The following VPS13A variants were observed in gnomAD, a reference collection of about 807,000 sequenced individuals.
The protein encoded by VPS13A is vacuolar protein sorting 13 homolog A, also known as intermembrane lipid transfer protein VPS13A.
In VPS13A, 264 loss-of-function variants were observed where a neutral mutation model predicts 390.9. That is an observed-to-expected ratio of 0.68 (90% CI 0.61 to 0.75). The LOEUF is 0.75. Among genes scored for constraint, VPS13A ranks in the 30% least tolerant of loss-of-function variants. The pLI, the probability that VPS13A is intolerant of heterozygous loss-of-function variation, is 0.00. For missense variants in VPS13A, 3,409 were observed against 3,733.9 expected, an observed-to-expected ratio of 0.91 and a Z score of 2.27; for synonymous variants, 1,231 against 1,227.1, an observed-to-expected ratio of 1.00 and a Z score of -0.07.
At chr9:77,233,203 C>T (rs538659289) in intron 17 of VPS13A, among the ~76,000 whole-genome samples, 198 of 152,012 alleles carry the variant, frequency 1.3e-3, no homozygotes, top group African/African-American at 4.6e-3. Context: ...CTGTTTTTTG[C>T]AGTACTCTTT....
intron 68 of VPS13A, chr9:77,395,794 A>C (rs1834096865): frequency 6.6e-6 from 1 of 152,130 alleles, no homozygotes; most frequent in Non-Finnish European, 1.5e-5. Flanking sequence ...AATCTATTCT[A>C]TTTAAGAGTA....
intron 40 of VPS13A, among the ~76,000 whole-genome samples, chr9:77,317,920 A>G (rs1829498882): frequency 6.6e-6 from 1 of 151,980 alleles, no homozygotes; most frequent in Non-Finnish European, 1.5e-5. Context: ...AACATCTAAT[A>G]TCCCTAATAA....
At chr9:77,262,640 G>A (rs1046241961) in intron 23 of VPS13A, among the ~76,000 whole-genome samples, 4 of 151,872 alleles carry the variant, frequency 2.6e-5, no homozygotes, top group Non-Finnish European at 4.4e-5. Context: ...GTGTTCATGT[G>A]TTCTCCTTGT....
At chr9:77,250,860 A>ACTTTCTTTT (rs1825114664) in intron 21 of VPS13A, among the ~76,000 whole-genome samples, 1 of 152,056 alleles carries the variant, frequency 6.6e-6, no homozygotes, top group Non-Finnish European at 1.5e-5. Flanking sequence ...TTAGGGAGAG[A>ACTTTCTTTT]CCCCAGACTC....
At chr9:77,297,400 C>A (rs1238575708) in intron 33 of VPS13A, among the ~76,000 whole-genome samples, 1 of 151,998 alleles carries the variant, frequency 6.6e-6, no homozygotes, top group African/African-American at 2.4e-5. Context: ...GCTTTCCTGG[C>A]CTTCCCCTGG....
chr9:77,256,664 A>G (rs776356520), intron 22 of VPS13A, among the ~76,000 whole-genome samples: 30 of 146,584 alleles, frequency 2.0e-4, no homozygotes, highest in Non-Finnish European at 3.7e-4. Flanking sequence ...ATATTTTTGA[A>G]CTCTGATGTT....
At chr9:77,411,660 CAAAAAAAAAA>C (rs1169254413) in intron 71 of VPS13A, among the ~76,000 whole-genome samples, 27 of 33,922 alleles carry the variant, frequency 8.0e-4, no homozygotes, top group Middle Eastern at 0.024. Context: ...AACTCCATCT[CAAAAAAAAAA>C]AAAAAAAAAA....
chr9:77,245,067 T>C (rs1362903266), intron 19 of VPS13A, among the ~76,000 whole-genome samples: 1 of 152,166 alleles, frequency 6.6e-6, no homozygotes, highest in East Asian at 1.9e-4. Flanking sequence ...ATACTCTTGA[T>C]TATGCAAATA....
At chr9:77,326,458 G>A (rs72746006) in intron 45 of VPS13A, among the ~76,000 whole-genome samples, 11,738 of 151,634 alleles carry the variant, frequency 0.077, 570 homozygotes, top group East Asian at 0.12. Flanking sequence ...CTTTTTCCTC[G>A]TTTCTTTTTT....
At chr9:77,355,040 T>A (rs544468661) in intron 54 of VPS13A, among the ~76,000 whole-genome samples, 1 of 152,304 alleles carries the variant, frequency 6.6e-6, no homozygotes, top group South Asian at 2.1e-4. Flanking sequence ...GTGTTACTTC[T>A]CTCAACATAA....
At position 77,418,064 on chromosome 9, in the gene VPS13A, CAG is replaced by C. The variant is rs1835224346; in HGVS notation, c.*2059_*2060del. The C allele has an allele frequency of 6.6e-6, 1 of 152,306 alleles. No individual in the cohort carries two copies. Among genetic ancestry groups the C allele is most frequent in the Middle Eastern group, 3.4e-3 (1 of 294 alleles). 9.4% of individuals were successfully genotyped at this position (152,306 alleles called of 1,614,324 possible). ...ATCAGTAGATCACTAGATAATGAGT[CAG>C]TGTTTTTAGCATCACATTTTACAAT... On this transcript the variant is annotated 3_prime_UTR_variant, in exon 72 of 72. Coordinates refer to ENST00000360280, the MANE Select transcript of VPS13A (RefSeq NM_033305.3).
chr9:77,211,933 C>T lies in VPS13A; in HGVS notation c.556-1036C>T, dbSNP rs544587397. ...CAGATCAGAGGTGGCATTCGATTCT[C>T]GTAGGATCCTAGCGAACCTTATTGT... On this transcript the variant is annotated intron_variant, in intron 7 of 71. Transcript: ENST00000360280. Among the ~76,000 whole-genome samples the T allele has an allele frequency of 2.4e-4, 36 of 152,254 alleles. 1 individual carries two copies. The South Asian group carries it at 6.2e-3, about 26-fold the overall frequency.
At position 77,318,252 on chromosome 9, in the gene VPS13A, A is replaced by G. The variant is rs1829522896; in HGVS notation, c.4974A>G (p.Ile1658Met). 1.3e-6 allele frequency: 2 copies of G among 1,596,800 alleles called. No homozygotes were observed. Among genetic ancestry groups the G allele is most frequent in the Non-Finnish European group, 1.7e-6 (2 of 1,174,722 alleles). ...CCATTTAGGTTTCACCAGTTATTAT[A>G]AATACTATGATTACCATAACTTCAG... ...SLTLKVSPVI[I>M]NTMITITSAL... The change falls in exon 41 of 72, where the codon ATA becomes ATG. Residue 1658 changes from isoleucine to methionine, a missense_variant. By Grantham distance (10) the Ile-to-Met change is conservative. Coordinates refer to ENST00000360280, the MANE Select transcript of VPS13A (RefSeq NM_033305.3).
intron 31 of VPS13A, among the ~76,000 whole-genome samples, chr9:77,284,531 A>G (rs1827223948): frequency 6.6e-6 from 1 of 152,122 alleles, no homozygotes; most frequent in Non-Finnish European, 1.5e-5. Context: ...ATTTGCTTCT[A>G]TTGCTTTTAT....
intron 23 of VPS13A, among the ~76,000 whole-genome samples, chr9:77,269,838 T>C (rs750258908): frequency 2.0e-5 from 3 of 152,240 alleles, no homozygotes; most frequent in Non-Finnish European, 4.4e-5. Context: ...ACAGATAGGT[T>C]CTTTACAGCA....
chr9:77,230,468 C>T (rs1242827383), intron 17 of VPS13A, among the ~76,000 whole-genome samples: 1 of 152,018 alleles, frequency 6.6e-6, no homozygotes, highest in Non-Finnish European at 1.5e-5. Flanking sequence ...TGTCCTAGCA[C>T]CATTTGTTGA....
chr9:77,192,795 G>A (rs1027935336), intron 1 of VPS13A, among the ~76,000 whole-genome samples: 6 of 152,034 alleles, frequency 3.9e-5, no homozygotes, highest in Non-Finnish European at 8.8e-5. Flanking sequence ...CATTGACCTT[G>A]GAGAATCTGA....
At chr9:77,375,159 T>C (rs1346494218) in intron 67 of VPS13A, among the ~76,000 whole-genome samples, 6 of 152,316 alleles carry the variant, frequency 3.9e-5, no homozygotes, top group Non-Finnish European at 8.8e-5. Flanking sequence ...CTGCTAGAAT[T>C]ACCTTCTGTT....
intron 22 of VPS13A, among the ~76,000 whole-genome samples, chr9:77,255,048 G>A (rs1404391684): frequency 6.6e-6 from 1 of 152,010 alleles, no homozygotes; most frequent in African/African-American, 2.4e-5. Flanking sequence ...AGTAGTTTAG[G>A]TTGGCATCCT....
Sources: gnomAD v4.1 joint callset for allele counts (sites outside exome capture counted in the v4.1 genomes callset) on GRCh38, gnomAD v4.1.1 for gene constraint, MANE v1.5 for transcripts, NCBI Gene and HGNC (gene_info 2026-07-23, HGNC 2026-07-21) for gene names.